Variants in MAMLD1 observed in about 807,000 individuals in gnomAD.
MAMLD1 encodes mastermind like domain containing 1.
Under a neutral mutation model 45.0 loss-of-function variants are expected in MAMLD1, and 14 were observed. That is an observed-to-expected ratio of 0.31 (90% CI 0.21 to 0.49). The LOEUF is 0.49. MAMLD1 is among the 20% of genes least tolerant of loss of function. The pLI, the probability that MAMLD1 is intolerant of heterozygous loss-of-function variation, is 0.99. For missense variants in MAMLD1, 543 were observed against 603.6 expected (o/e 0.90, Z 1.05); for synonymous variants, 254 against 247.8 (o/e 1.02, Z -0.24).
chrX:150,501,233 G>A, intron 5 of MAMLD1, among the ~76,000 whole-genome samples: 1 of 112,460 alleles, frequency 8.9e-6, no homozygotes, highest in Non-Finnish European at 1.9e-5. Context: ...CCCATTCATT[G>A]CTTTTAGAGT....
intron 5 of MAMLD1, among the ~76,000 whole-genome samples, chrX:150,499,240 G>A (rs782267835): frequency 4.4e-4 from 49 of 111,977 alleles, no homozygotes; most frequent in African/African-American, 1.6e-3. Context: ...GAAAGAAAAG[G>A]TGTTGAGGAT....
intron 5 of MAMLD1, among the ~76,000 whole-genome samples, chrX:150,476,364 G>A (rs1255330147): frequency 1.8e-5 from 2 of 112,508 alleles, no homozygotes; most frequent in African/African-American, 6.5e-5. Flanking sequence ...AAAAATCGCG[G>A]TTAGGACTTA....
rs782662683 is a variant in MAMLD1 at position 150,493,098 on chromosome X, A to G, written c.2041-10176A>G. Among the ~76,000 whole-genome samples, 5 of 111,937 alleles carry G rather than the reference A, an allele frequency of 4.5e-5. No individual in the cohort carries two copies. The East Asian group carries it at 1.4e-3, about 31-fold the overall frequency. On this transcript the variant is annotated intron_variant, in intron 5 of 7. Coordinates refer to ENST00000370401, the MANE Select transcript of MAMLD1 (RefSeq NM_005491.5). ...CATTTGTAGTTGAAATACATACTTGAGTGTCTGTGTGGACCAAATCTGGGG... is the reference window on the plus strand; with the variant it reads ...CATTTGTAGTTGAAATACATACTTGGGTGTCTGTGTGGACCAAATCTGGGG...
intron 5 of MAMLD1, among the ~76,000 whole-genome samples, chrX:150,481,591 A>C (rs2036758345): frequency 9.0e-6 from 1 of 111,471 alleles, no homozygotes; most frequent in Non-Finnish European, 1.9e-5. Context: ...GCACTTTGAG[A>C]AGCCGAGGTG....
chrX:150,454,650 T>C (rs2035781832), intron 2 of MAMLD1, among the ~76,000 whole-genome samples: 1 of 111,469 alleles, frequency 9.0e-6, no homozygotes, highest in African/African-American at 3.3e-5. Context: ...GTGGTGCTGT[T>C]GACAGAGTGG....
chrX:150,443,293 A>T (rs2035380238), intron 1 of MAMLD1, among the ~76,000 whole-genome samples: 1 of 106,264 alleles, frequency 9.4e-6, no homozygotes, highest in Non-Finnish European at 1.9e-5. Flanking sequence ...AGTGACATGA[A>T]AGTTAGATCT....
chrX:150,398,254 GAAGAAGAAGAAGA>G (rs1569564547), intron 1 of MAMLD1, among the ~76,000 whole-genome samples: 5 of 21,866 alleles, frequency 2.3e-4, no homozygotes, highest in Non-Finnish European at 4.2e-4. Context: ...AGGAGAAGGA[GAAGAAGAAGAAGA>G]AGAAGAAGAA....
intron 3 of MAMLD1, among the ~76,000 whole-genome samples, chrX:150,465,482 A>T (rs782035975): frequency 8.9e-6 from 1 of 112,113 alleles, no homozygotes; most frequent in African/African-American, 3.2e-5. Flanking sequence ...ATGAATGTTT[A>T]TAAGGTCATG....
chrX:150,450,392 C>T (rs1352630918), intron 2 of MAMLD1, among the ~76,000 whole-genome samples: 7 of 111,718 alleles, frequency 6.3e-5, no homozygotes, highest in South Asian at 3.8e-4. Context: ...GCTGAAGGCG[C>T]GGCACAGGTG....
chrX:150,488,283 A>C (rs1051183439), intron 5 of MAMLD1, among the ~76,000 whole-genome samples: 2 of 112,468 alleles, frequency 1.8e-5, no homozygotes, highest in Non-Finnish European at 3.8e-5. Context: ...TCCAGCTTAC[A>C]GAGTGCCCAA....
chrX:150,429,953 C>CTTCAGTGAAA (rs1424652703), intron 1 of MAMLD1, among the ~76,000 whole-genome samples: 1 of 107,988 alleles, frequency 9.3e-6, no homozygotes, highest in Non-Finnish European at 1.9e-5. Context: ...TGTATATCCT[C>CTTCAGTGAAA]TTCAGTGAAA....
rs149609930 is a variant in MAMLD1 at position 150,442,424 on chromosome X, G to A, written c.-63-3030G>A. On this transcript the variant is annotated intron_variant, in intron 1 of 7. Coordinates refer to ENST00000370401, the MANE Select transcript of MAMLD1 (RefSeq NM_005491.5). ...ATGTTTAGAATTCCATTTGGTTCAT[G>A]TATAGCATTTTTGAATCTATCTTTT... is the stretch of plus-strand genomic sequence containing the variant. Among the ~76,000 whole-genome samples, 634 of 111,279 alleles carry A rather than the reference G, an allele frequency of 5.7e-3. 5 individuals carry two copies. Among genetic ancestry groups the A allele is most frequent in the African/African-American group, 0.02 (608 of 30,745 alleles).
chrX:150,486,315 G>A (rs192182391), intron 5 of MAMLD1, among the ~76,000 whole-genome samples: 2 of 111,645 alleles, frequency 1.8e-5, no homozygotes, highest in African/African-American at 6.5e-5. Context: ...TCTGTCAGAA[G>A]AGCCAGGAAG....
At chrX:150,368,610 G>C (rs1208662886) in intron 1 of MAMLD1, among the ~76,000 whole-genome samples, 154 of 110,721 alleles carry the variant, frequency 1.4e-3, no homozygotes, top group Non-Finnish European at 2.4e-3. Flanking sequence ...CATTGCTTTT[G>C]GTGTTTTAGA....
At chrX:150,384,530 A>C (rs1299936083) in intron 1 of MAMLD1, among the ~76,000 whole-genome samples, 1 of 112,121 alleles carries the variant, frequency 8.9e-6, no homozygotes, top group African/African-American at 3.2e-5. Flanking sequence ...CATCAGATAT[A>C]AGAGTTGCAA....
chrX:150,387,991 C>A (rs1362994628), intron 1 of MAMLD1, among the ~76,000 whole-genome samples: 1 of 111,513 alleles, frequency 9.0e-6, no homozygotes, highest in Non-Finnish European at 1.9e-5. Context: ...TTATAATTGT[C>A]TTTTTCTGTA....
chrX:150,430,019 C>T (rs369900541), intron 1 of MAMLD1, among the ~76,000 whole-genome samples: 10 of 49,216 alleles, frequency 2.0e-4, no homozygotes, highest in South Asian at 1.9e-3. Flanking sequence ...TCTTTCTTTT[C>T]TTTTTTTTTT....
chrX:150,471,360 T>C lies in MAMLD1; in HGVS notation c.1787T>C (p.Leu596Pro). Residue 596 changes from leucine (L) to proline (P), a missense_variant, in exon 4 of 8, where the codon CTG (leucine) becomes CCG (proline). Leu to Pro is a moderately conservative substitution (Grantham distance 98). Transcript: ENST00000370401. ...ASSTATATLQ[L>P]QQQQQQQQQQ... The stretch of plus-strand genomic sequence containing the variant: ...TCCACGGCCACTGCCACCTTGCAGC[T>C]GCAGCAGCAGCAGCAGCAACAGCAG... 2 of 1,200,858 alleles carry C rather than the reference T, an allele frequency of 1.7e-6. No homozygotes were observed. Among genetic ancestry groups the C allele is most frequent in the Non-Finnish European group, 2.3e-6 (2 of 887,424 alleles).
At chrX:150,407,240 A>G (rs1435439813) in intron 1 of MAMLD1, among the ~76,000 whole-genome samples, 4 of 112,357 alleles carry the variant, frequency 3.6e-5, no homozygotes, top group Non-Finnish European at 7.5e-5. Context: ...GTGCTTCTTA[A>G]CTCATTAAAT....
Sources: allele counts gnomAD v4.1 joint callset (sites outside exome capture counted in the v4.1 genomes callset), GRCh38; gene constraint gnomAD v4.1.1; transcripts MANE v1.5; gene names NCBI Gene and HGNC (gene_info 2026-07-23, HGNC 2026-07-21).